The following TRPM3 variants were observed in gnomAD, a reference collection of about 807,000 sequenced individuals.
The protein encoded by TRPM3 is long transient receptor potential channel 3.
Under a neutral mutation model 181.2 loss-of-function variants are expected in TRPM3, and 77 were observed. The ratio of observed to expected loss-of-function variants is 0.42; its 90% CI spans 0.35 to 0.51. TRPM3 has a LOEUF of 0.51. Ranked by LOEUF, TRPM3 falls within the 20% of genes least tolerant of loss-of-function variation. The pLI is 0.01. For synonymous variants in TRPM3, 745 were observed against 796.4 expected (o/e 0.94, Z 1.09); for missense variants, 1,759 against 2,196.7 (o/e 0.80, Z 3.98).
chr9:70,801,209 G>A (rs937397080), intron 6 of TRPM3, among the ~76,000 whole-genome samples: 2 of 152,158 alleles, frequency 1.3e-5, no homozygotes, highest in Non-Finnish European at 2.9e-5. Flanking sequence ...TCTCAAACTG[G>A]TTTCTGGTAG....
chr9:70,767,883 A>G (rs963707237), intron 7 of TRPM3, among the ~76,000 whole-genome samples: 4 of 152,202 alleles, frequency 2.6e-5, no homozygotes, highest in African/African-American at 9.6e-5. Context: ...AGAAACTACA[A>G]GGCTTGTTGG....
intron 1 of TRPM3, among the ~76,000 whole-genome samples, chr9:70,910,596 C>T (rs112211001): frequency 7.2e-5 from 11 of 151,982 alleles, no homozygotes; most frequent in African/African-American, 2.2e-4. Context: ...AATAGGTATG[C>T]CATAGAAGCT....
intron 7 of TRPM3, chr9:70,774,448 G>T (rs1571329): frequency 0.22 from 33,260 of 151,972 alleles, 4,478 homozygotes; most frequent in Non-Finnish European, 0.3. Context: ...TACTAGTAAG[G>T]CTTTTGGCCA....
intron 3 of TRPM3, among the ~76,000 whole-genome samples, chr9:70,848,773 C>A (rs73467853): frequency 0.7 from 38,727 of 55,644 alleles, 15,931 homozygotes; most frequent in Non-Finnish European, 0.72. Context: ...GTCAGGAGAT[C>A]GAGACCATCC....
At chr9:71,261,322 C>T (rs1179242514) in intron 1 of TRPM3, among the ~76,000 whole-genome samples, 1 of 152,116 alleles carries the variant, frequency 6.6e-6, no homozygotes, top group East Asian at 1.9e-4. Flanking sequence ...GTATGCTTCA[C>T]GAAGTTCTCA....
intron 8 of TRPM3, among the ~76,000 whole-genome samples, chr9:70,759,025 A>G (rs187362542): frequency 1.9e-4 from 29 of 152,362 alleles, no homozygotes; most frequent in Admixed American, 9.8e-4. Flanking sequence ...AAAAGAAACT[A>G]TCATCAGAAT....
intron 5 of TRPM3, 24 bp from the exon 6 acceptor site, chr9:70,828,042 GCAGAAGT>G (rs754556759): frequency 1.3e-6 from 2 of 1,591,634 alleles, no homozygotes; most frequent in South Asian, 2.3e-5. Flanking sequence ...AATGGAAGAG[GCAGAAGT>G]CAGAAAAAAA....
intron 7 of TRPM3, among the ~76,000 whole-genome samples, chr9:70,772,917 G>A: frequency 6.6e-6 from 1 of 151,234 alleles, no homozygotes; most frequent in East Asian, 1.9e-4. Context: ...TCCCATCAGC[G>A]AATATTGCCA....
chr9:71,255,473 CT>C (rs2082615332), intron 1 of TRPM3, among the ~76,000 whole-genome samples: 3 of 152,134 alleles, frequency 2.0e-5, no homozygotes, highest in Non-Finnish European at 4.4e-5. Flanking sequence ...TAATCAGTTC[CT>C]TCATTAATCC....
intron 1 of TRPM3, among the ~76,000 whole-genome samples, chr9:70,939,739 T>C (rs2096867043): frequency 6.6e-6 from 1 of 152,222 alleles, no homozygotes; most frequent in Admixed American, 6.5e-5. Context: ...CTACAGCTTT[T>C]TCCAAGCATC....
chr9:70,924,942 T>C (rs1321852448), intron 1 of TRPM3, among the ~76,000 whole-genome samples: 2 of 152,192 alleles, frequency 1.3e-5, no homozygotes, highest in East Asian at 1.9e-4. Context: ...GAGAAGATGA[T>C]GATCGCTGAA....
intron 1 of TRPM3, among the ~76,000 whole-genome samples, chr9:71,150,033 A>G (rs1456257778): frequency 3.9e-5 from 6 of 152,182 alleles, no homozygotes; most frequent in Admixed American, 2.0e-4. Context: ...ATACAAATTT[A>G]CACAAGAAAG....
At chr9:70,654,560 A>G (rs550165279) in intron 9 of TRPM3, among the ~76,000 whole-genome samples, 1 of 152,276 alleles carries the variant, frequency 6.6e-6, no homozygotes, top group East Asian at 1.9e-4. Context: ...AGCAGCACAC[A>G]TCGATCCACC....
At chr9:71,113,366 T>C (rs1466030023) in intron 1 of TRPM3, among the ~76,000 whole-genome samples, 1 of 152,184 alleles carries the variant, frequency 6.6e-6, no homozygotes, top group African/African-American at 2.4e-5. Flanking sequence ...TTTTCCAGTT[T>C]GGGCAATGTG....
At chr9:70,668,672 GAAAAAAAAA>G (rs57929544) in intron 9 of TRPM3, among the ~76,000 whole-genome samples, 18 of 86,514 alleles carry the variant, frequency 2.1e-4, no homozygotes, top group African/African-American at 5.7e-4. Flanking sequence ...CTCAAAAAAA[GAAAAAAAAA>G]AAAAAAAAAA....
At chr9:70,936,203 G>A (rs1418937848) in intron 1 of TRPM3, among the ~76,000 whole-genome samples, 2 of 152,204 alleles carry the variant, frequency 1.3e-5, no homozygotes, top group Non-Finnish European at 2.9e-5. Context: ...TGCAGTAAAT[G>A]AATAAGTAAA....
At chr9:71,378,687 A>G (rs2092722196) in intron 1 of TRPM3, among the ~76,000 whole-genome samples, 1 of 152,002 alleles carries the variant, frequency 6.6e-6, no homozygotes. Context: ...TCACTATTCA[A>G]ATTGTCAAAA....
rs569696331 is a variant in TRPM3 at position 70,839,818 on chromosome 9, T to C, written c.801+3185A>G. 8.5e-5 allele frequency among the ~76,000 whole-genome samples: 13 copies of C among 152,296 alleles called. No individual in the cohort carries two copies. The South Asian group carries it at 2.7e-3, about 32-fold the overall frequency. Reference sequence around the variant, plus strand: ...AGAATTCTGAAGTGGTAAAGATTTTTAATAATACATTGTTTTGTTTTTCTC... The same window carrying C: ...AGAATTCTGAAGTGGTAAAGATTTTCAATAATACATTGTTTTGTTTTTCTC... On this transcript the variant is annotated intron_variant, in intron 5 of 25. Transcript: ENST00000677713.
At chr9:71,446,563 G>A in intron 1 of TRPM3, 2 of 1,348,280 alleles carry the variant, frequency 1.5e-6, no homozygotes, top group South Asian at 1.4e-5. Flanking sequence ...TCACCCTTAG[G>A]GAGGCAAGTT....
Sources: gnomAD v4.1 joint callset for allele counts (sites outside exome capture counted in the v4.1 genomes callset) on GRCh38, gnomAD v4.1.1 for gene constraint, MANE v1.5 for transcripts, NCBI Gene and HGNC (gene_info 2026-07-23, HGNC 2026-07-21) for gene names.